The following TANC1 variants were observed in gnomAD, a reference collection of about 807,000 sequenced individuals.
TANC1 encodes the protein protein TANC1.
TANC1 carries 77 observed loss-of-function variants against 149.7 expected under a neutral mutation model. The ratio of observed to expected loss-of-function variants is 0.51; its 90% CI spans 0.43 to 0.62. TANC1 has a LOEUF of 0.62. TANC1 is among the 20% of genes least tolerant of loss of function. The pLI is 0.00. For missense variants in TANC1, 1,985 were observed against 2,321.8 expected (o/e 0.85, Z 2.98); for synonymous variants, 854 against 925.0 (o/e 0.92, Z 1.39).
At chr2:158,996,992 A>G (rs2149306939) in intron 1 of TANC1, among the ~76,000 whole-genome samples, 1 of 152,228 alleles carries the variant, frequency 6.6e-6, no homozygotes, top group East Asian at 1.9e-4. Flanking sequence ...AAAAAAAAAA[A>G]AAAAATCTAC....
intron 1 of TANC1, among the ~76,000 whole-genome samples, chr2:158,981,162 G>A (rs1443927140): frequency 2.0e-5 from 3 of 151,992 alleles, no homozygotes; most frequent in Non-Finnish European, 4.4e-5. Flanking sequence ...TTTAAGTTTA[G>A]CAATTCAGAG....
intron 1 of TANC1, among the ~76,000 whole-genome samples, chr2:158,995,688 A>C (rs964580192): frequency 6.6e-6 from 1 of 152,144 alleles, no homozygotes; most frequent in Non-Finnish European, 1.5e-5. Flanking sequence ...CCCTGCCTCT[A>C]TTTAAATCTT....
At position 159,230,199 on chromosome 2, in the gene TANC1, A is replaced by G. The variant is rs1483716806; in HGVS notation, c.4773A>G (p.Arg1591=). ...HLEGTGTFTT[R]AGCGHFGDRL... ...AGGGAACAGGTACTTTCACTACAAG[A>G]GCTGGTTGTGGCCACTTTGGGGATC... is the stretch of plus-strand genomic sequence containing the variant. Residue 1591 remains arginine, a synonymous_variant, in exon 27 of 27, where the codon AGA becomes AGG. Coordinates refer to ENST00000263635, the MANE Select transcript of TANC1 (RefSeq NM_033394.3). The surrounding 1 kb of genome is among the most constrained non-coding windows in gnomAD (Gnocchi z 4.4). The G allele has an allele frequency of 6.2e-7, 1 of 1,613,954 alleles. No homozygotes were observed. Among genetic ancestry groups the G allele is most frequent in the Non-Finnish European group, 8.5e-7 (1 of 1,180,012 alleles).
intron 2 of TANC1, chr2:159,004,030 A>G: frequency 6.2e-7 from 1 of 1,612,368 alleles, no homozygotes; most frequent in South Asian, 1.1e-5. Context: ...ATGATTAAAG[A>G]TGATGGGACA....
chr2:159,229,647 G>A lies in TANC1; in HGVS notation c.4221G>A (p.Lys1407=). 6.2e-7 allele frequency: 1 copy of A among 1,614,054 alleles called. No homozygotes were observed. The highest frequency in any genetic ancestry group is 8.5e-7 in the Non-Finnish European group (1 of 1,180,026). Residue 1407 remains lysine (K), a synonymous_variant, in exon 27 of 27, where the codon AAG becomes AAA. Coordinates refer to ENST00000263635, the MANE Select transcript of TANC1 (RefSeq NM_033394.3). The part of the protein sequence containing the change: ...VKLCPTNQEV[K]RLLARVEEEC... ...TCTGTCCCACCAATCAGGAAGTCAA[G>A]AGGCTTCTGGCCCGCGTAGAAGAGG...
In TANC1 at chr2:158,968,761, G is replaced by A. The variant is rs1294865200; in HGVS notation, c.-147G>A. On this transcript the variant is annotated 5_prime_UTR_variant, in exon 1 of 27. Transcript: ENST00000263635. ...CCTGGGTGTGGGGAACCGCGCTGAG[G>A]AGCTGGAAACTTTCCCGGCAGGTAA... 3 of 152,238 alleles carry A rather than the reference G, an allele frequency of 2.0e-5. No homozygotes were observed. The highest frequency in any genetic ancestry group is 4.4e-5 in the Non-Finnish European group (3 of 68,080). 9.4% of individuals were successfully genotyped at this position (152,238 alleles called of 1,614,324 possible). A position where few individuals can be genotyped will look rare whatever the true frequency, so the allele number is the denominator to read the frequency against.
chr2:159,146,880 G>A lies in TANC1; in HGVS notation c.365-2262G>A, dbSNP rs909187538. Among the ~76,000 whole-genome samples, 4 of 151,962 alleles carry A rather than the reference G, an allele frequency of 2.6e-5. No individual in the cohort carries two copies. In the East Asian group the frequency reaches 7.7e-4, roughly 29 times the overall value. Reference sequence around the variant, plus strand: ...CAACTCAACCATTAAAGCTGGAATCGCCACTGCTCCCCAACTTATCTGAAA... The same window carrying A: ...CAACTCAACCATTAAAGCTGGAATCACCACTGCTCCCCAACTTATCTGAAA... On this transcript the variant is annotated intron_variant, in intron 5 of 26. Coordinates refer to ENST00000263635, the MANE Select transcript of TANC1 (RefSeq NM_033394.3).
At chr2:159,036,816 A>G (rs2040228449) in intron 2 of TANC1, among the ~76,000 whole-genome samples, 1 of 152,244 alleles carries the variant, frequency 6.6e-6, no homozygotes, top group African/African-American at 2.4e-5. Context: ...TCCACAATAA[A>G]CATACATGTG....
In TANC1 at chr2:159,188,023, CGT is replaced by C. The variant is rs200005509; in HGVS notation, c.2742+1000_2742+1001del. ...TGAGATTATAAACTTTGCTCTTTAA[CGT>C]ATGTGCGATTTTAAGAGTTAATCAT... On this transcript the variant is annotated intron_variant, in intron 16 of 26. Transcript: ENST00000263635. Among the ~76,000 whole-genome samples, 1,005 of 152,172 alleles carry C rather than the reference CGT, an allele frequency of 6.6e-3. 4 individuals carry two copies. Among genetic ancestry groups the C allele is most frequent in the Middle Eastern group, 0.014 (4 of 294 alleles).
intron 19 of TANC1, among the ~76,000 whole-genome samples, chr2:159,207,742 CCA>C (rs1177096494): frequency 7.2e-6 from 1 of 138,242 alleles, no homozygotes; most frequent in Non-Finnish European, 1.6e-5. Context: ...TCAGACTTAG[CCA>C]CACTCCCTCT....
intron 4 of TANC1, among the ~76,000 whole-genome samples, chr2:159,126,820 G>A (rs1346418407): frequency 3.3e-5 from 5 of 152,206 alleles, no homozygotes; most frequent in Admixed American, 2.0e-4. Context: ...CGAGAGCATC[G>A]AGAGTTCAGT....
chr2:159,037,898 A>C lies in TANC1; in HGVS notation c.-15-27998A>C, dbSNP rs547139243. The stretch of plus-strand genomic sequence containing the variant: ...TTTTTCCAATTCTGTGAAGAAAGTC[A>C]TTGGTAGCTTGATGGAGATGGCATT... On this transcript the variant is annotated intron_variant, in intron 2 of 26. Transcript: ENST00000263635. Among the ~76,000 whole-genome samples the C allele has an allele frequency of 5.3e-5, 8 of 152,320 alleles. 1 individual carries two copies. In the South Asian group the frequency reaches 1.5e-3, roughly 28 times the overall value.
chr2:159,015,140 C>A (rs1317654368), intron 2 of TANC1, among the ~76,000 whole-genome samples: 1 of 152,242 alleles, frequency 6.6e-6, no homozygotes, highest in Non-Finnish European at 1.5e-5. Context: ...CTACAGCAAA[C>A]TTCTGCCAGG....
At chr2:159,149,406 T>A in intron 6 of TANC1, 134 bp downstream of exon 6, 1 of 1,324,690 alleles carries the variant, frequency 7.5e-7, no homozygotes, top group Non-Finnish European at 1.1e-6. Flanking sequence ...GTATTGAAAT[T>A]TATTTCAACA....
chr2:159,041,591 C>T (rs1006125476), intron 2 of TANC1, among the ~76,000 whole-genome samples: 3 of 152,228 alleles, frequency 2.0e-5, no homozygotes, highest in African/African-American at 4.8e-5. Context: ...CCCGCTGAGC[C>T]AGGTGCAGGA....
chr2:159,176,423 G>A lies in TANC1; in HGVS notation c.1807G>A (p.Asp603Asn), dbSNP rs1559398377. Residue 603 changes from aspartate to asparagine, a missense_variant, in exon 13 of 27, where the codon GAT (aspartate) becomes AAT (asparagine). This residue lies in a region of TANC1 where 508 missense variants were observed against 714.2 expected (regional missense o/e 0.71). Transcript: ENST00000263635. Reference sequence around the variant, plus strand: ...AAATGAAGCTGAGTTTCATAAACCTGATTATGGAGATACGCTTTCTTCATT... The same window carrying A: ...AAATGAAGCTGAGTTTCATAAACCTAATTATGGAGATACGCTTTCTTCATT... The part of the protein sequence containing the change: ...GLNEAEFHKP[D>N]YGDTLSSFIT... 6.3e-7 allele frequency: 1 copy of A among 1,585,904 alleles called. No homozygotes were observed. The highest frequency in any genetic ancestry group is 2.3e-5 in the East Asian group (1 of 44,122).
intron 14 of TANC1, among the ~76,000 whole-genome samples, chr2:159,181,446 C>T (rs528414863): frequency 1.3e-5 from 2 of 152,144 alleles, no homozygotes; most frequent in South Asian, 4.2e-4. Context: ...TACAGGCGCC[C>T]GCCACCTCAT....
At chr2:159,053,834 C>G (rs1046757330) in intron 2 of TANC1, among the ~76,000 whole-genome samples, 2 of 152,204 alleles carry the variant, frequency 1.3e-5, no homozygotes, top group Admixed American at 6.5e-5. Flanking sequence ...GGGTTCTCCC[C>G]CTGTGGGCTA....
intron 1 of TANC1, among the ~76,000 whole-genome samples, chr2:158,969,331 G>T (rs2032474713): frequency 6.6e-6 from 1 of 152,260 alleles, no homozygotes; most frequent in South Asian, 2.1e-4. Context: ...CGGAGGCATG[G>T]TATTGCCCCA....
Sources: allele counts gnomAD v4.1 joint callset (sites outside exome capture counted in the v4.1 genomes callset), GRCh38; gene constraint gnomAD v4.1.1; regional missense constraint gnomAD v4.1.1; non-coding constraint Gnocchi (gnomAD v3.1); transcripts MANE v1.5; gene names NCBI Gene and HGNC (gene_info 2026-07-23, HGNC 2026-07-21).